Variants in IKZF4 observed in about 807,000 individuals in gnomAD.
The protein encoded by IKZF4 is IKAROS family zinc finger 4.
IKZF4 carries 11 observed loss-of-function variants against 47.7 expected under a neutral mutation model. The ratio of observed to expected loss-of-function variants is 0.23; its 90% CI spans 0.15 to 0.38. The LOEUF (loss-of-function observed/expected upper bound fraction) is 0.38. IKZF4 is among the 10% of genes least tolerant of loss of function. The probability of loss-of-function intolerance (pLI) is 1.00; values close to 1 mark genes in which losing one functional copy is unlikely to be tolerated. For synonymous variants in IKZF4, 298 were observed against 299.4 expected, an observed-to-expected ratio of 1.00 and a Z score of 0.05; for missense variants, 557 against 784.9, an observed-to-expected ratio of 0.71 and a Z score of 3.47.
At chr12:56,011,585 T>C (rs1891330866) in intron 2 of IKZF4, 1 of 152,212 alleles carries the variant, frequency 6.6e-6, no homozygotes. Context: ...ACCTGGGAAT[T>C]TATCCCCTCT....
intron 7 of IKZF4, among the ~76,000 whole-genome samples, chr12:56,033,558 T>C (rs2136712612): frequency 6.6e-6 from 1 of 151,954 alleles, no homozygotes; most frequent in Admixed American, 6.6e-5. Context: ...ATACAAAAAA[T>C]TAGCCGGGCG....
At chr12:56,023,023 TCTC>T in intron 1 of IKZF4, among the ~76,000 whole-genome samples, 1 of 152,238 alleles carries the variant, frequency 6.6e-6, no homozygotes, top group South Asian at 2.1e-4. Context: ...ATGGTCTCGA[TCTC>T]CTGACCTCGT....
intron 2 of IKZF4, chr12:56,024,801 A>G: frequency 7.5e-7 from 1 of 1,334,278 alleles, no homozygotes; most frequent in Middle Eastern, 3.0e-4. Flanking sequence ...GACGTCAGGC[A>G]GTGATGCTCT....
At chr12:56,031,303 AC>A (rs1296559813) in intron 5 of IKZF4, among the ~76,000 whole-genome samples, 2 of 152,196 alleles carry the variant, frequency 1.3e-5, no homozygotes, top group Non-Finnish European at 2.9e-5. Flanking sequence ...TATGCCAGTT[AC>A]CCCAACTTGA....
chr12:56,024,395 T>C (rs1195976632), intron 2 of IKZF4, among the ~76,000 whole-genome samples: 1 of 152,214 alleles, frequency 6.6e-6, no homozygotes, highest in Non-Finnish European at 1.5e-5. Flanking sequence ...ACGCTTACTG[T>C]CTATGATCCC....
intron 3 of IKZF4, among the ~76,000 whole-genome samples, chr12:56,025,975 G>A (rs1056408083): frequency 5.3e-5 from 8 of 151,930 alleles, no homozygotes; most frequent in Admixed American, 2.6e-4. Context: ...TTGCTCTGTC[G>A]CCCAGGCTGG....
In IKZF4 at chr12:56,036,616, A is replaced by G. The variant is rs2136736527; in HGVS notation, c.*1285A>G. 1 of 152,246 alleles carries G rather than the reference A, an allele frequency of 6.6e-6. No individual in the cohort carries two copies. The highest frequency in any genetic ancestry group is 1.9e-4 in the East Asian group (1 of 5,172). 9.4% of individuals were successfully genotyped at this position (152,246 alleles called of 1,614,324 possible). A position where few individuals can be genotyped will look rare whatever the true frequency, so the allele number is the denominator to read the frequency against. On this transcript the variant is annotated 3_prime_UTR_variant, in exon 8 of 8. Coordinates refer to ENST00000547167, the MANE Select transcript of IKZF4 (RefSeq NM_022465.4). ...AGCACGGGCACGTGCCCTTCACCCC[A>G]TTCCACCCTTGTTCCAGCAAGACTG...
upstream of IKZF4, among the ~76,000 whole-genome samples, chr12:56,016,619 G>C (rs570505841): frequency 6.7e-6 from 1 of 149,548 alleles, no homozygotes; most frequent in Non-Finnish European, 1.5e-5. Context: ...TTTAAGAGAC[G>C]GAGTTTCGCT....
Position 56,035,007 on chromosome 12 carries a change from A to T in IKZF4, c.1434A>T (p.Pro478=), listed in dbSNP as rs1232672596. The T allele has an allele frequency of 6.4e-7, 1 of 1,554,488 alleles. No homozygotes were observed. Among genetic ancestry groups the T allele is most frequent in the South Asian group, 1.2e-5 (1 of 81,324 alleles). The part of the protein sequence containing the change: ...AGVVSLPQGP[P]PQPPPTIVVG... ...TGGTATCCCTCCCTCAGGGTCCCCC[A>T]CCCCAGCCACCTCCCACCATTGTGG... Residue 478 remains proline, a synonymous_variant, in exon 8 of 8, where the codon CCA becomes CCT. Transcript: ENST00000547167. This position sits in a 1 kb window ranked among gnomAD's most constrained non-coding sequence, Gnocchi z 6.1.
rs570029063 is a variant in IKZF4, at chr12:56,034,623, G to A, written c.1050G>A (p.Ser350=). 28 of 1,613,926 alleles carry A rather than the reference G, an allele frequency of 1.7e-5. No individual in the cohort carries two copies. The Admixed American group carries it at 2.2e-4, about 12-fold the overall frequency. The stretch of plus-strand genomic sequence containing the variant: ...CAGACCTCCCCTATGATGTGAACTC[G>A]GGTGGCTATGAAAAGGATGTGGAGT... ...SLSDLPYDVN[S]GGYEKDVELV... is the part of the protein sequence containing the mutation. Residue 350 remains serine, a synonymous_variant, in exon 8 of 8, where the codon TCG becomes TCA. Transcript: ENST00000547167.
rs752014009 is a variant in IKZF4 at position 56,032,555 on chromosome 12, CCA to C, written c.716-3_716-2del. 6.2e-7 allele frequency: 1 copy of C among 1,609,700 alleles called. No homozygotes were observed. Among genetic ancestry groups the C allele is most frequent in the South Asian group, 1.1e-5 (1 of 90,504 alleles). On this transcript the variant is annotated splice_polypyrimidine_tract_variant and splice_region_variant and intron_variant, in intron 5 of 7. Transcript: ENST00000547167. ...TCTGATGCCATCTTTCCACTCTCCT[CCA>C]CAGTCTCCTCTCCCACAGTGGGCAA...
rs1240911888 is a variant in IKZF4 at position 56,014,166 on chromosome 12, A to AG, written c.-214+2672_-214+2673insG. Among the ~76,000 whole-genome samples, 363 of 152,096 alleles carry AG rather than the reference A, an allele frequency of 2.4e-3. 3 individuals carry two copies. The highest frequency in any genetic ancestry group is 8.6e-3 in the African/African-American group (357 of 41,486). ...TCGAGACTCCGTCTCAAAAAAAAAA[A>AG]AAAAAGAAAAGAAAAGAAACAAACA... On this transcript the variant is annotated intron_variant, in intron 2 of 11. Transcript: ENST00000262032.
chr12:56,036,757 T>A lies in IKZF4; in HGVS notation c.*1426T>A, dbSNP rs1456989269. On this transcript the variant is annotated 3_prime_UTR_variant, in exon 8 of 8. Coordinates refer to ENST00000547167, the MANE Select transcript of IKZF4 (RefSeq NM_022465.4). The stretch of plus-strand genomic sequence containing the variant: ...CTGCAGAGACCCTTGGCTATTTGAG[T>A]AACCTAGGATTAGTGAGAAGGGGCA... The A allele has an allele frequency of 6.6e-6, 1 of 152,064 alleles. No individual in the cohort carries two copies. Among genetic ancestry groups the A allele is most frequent in the African/African-American group, 2.4e-5 (1 of 41,356 alleles). The allele number at this position is 152,064 out of a possible 1,614,324, so 9.4% of individuals were successfully genotyped here. A position where few individuals can be genotyped will look rare whatever the true frequency, so the allele number is the denominator to read the frequency against.
intron 2 of IKZF4, among the ~76,000 whole-genome samples, chr12:56,012,361 G>A (rs1891436619): frequency 1.4e-5 from 2 of 144,806 alleles, no homozygotes; most frequent in South Asian, 2.2e-4. Flanking sequence ...TGCAACCTCC[G>A]CCTCCTGGGT....
rs2136622941 is a variant in IKZF4, at chr12:56,021,503, C to T, written c.10C>T (p.Pro4Ser). ...CCACTGAGACGCAGACATGCATACA[C>T]CACCCGCACTCCCTCGCCGTTTCCA... Reference protein sequence around the residue: MHTPPALPRRFQGG... With the variant: MHTSPALPRRFQGG... Residue 4 changes from proline to serine, a missense_variant, in exon 1 of 8, where the codon CCA (proline) becomes TCA (serine). Coordinates refer to ENST00000547167, the MANE Select transcript of IKZF4 (RefSeq NM_022465.4). 6.2e-7 allele frequency: 1 copy of T among 1,603,798 alleles called. No individual in the cohort carries two copies. Among genetic ancestry groups the T allele is most frequent in the South Asian group, 1.1e-5 (1 of 89,084 alleles).
chr12:56,012,272 CTTT>C (rs1227746530), intron 2 of IKZF4, among the ~76,000 whole-genome samples: 4 of 134,876 alleles, frequency 3.0e-5, no homozygotes, highest in Admixed American at 7.5e-5. Flanking sequence ...TGTTAAATGA[CTTT>C]TTTTTTTTTT....
At chr12:56,020,762 G>A (rs1039987187), upstream of IKZF4, 1 of 178,542 alleles carries the variant, frequency 5.6e-6, no homozygotes, top group East Asian at 1.9e-4. Context: ...AGCAACACTA[G>A]CCTGACACCA....
rs1894095946 is a variant in IKZF4 at position 56,026,784 on chromosome 12, A to G, written c.290A>G (p.Asn97Ser). 6 of 1,564,760 alleles carry G rather than the reference A, an allele frequency of 3.8e-6. No homozygotes were observed. The highest frequency in any genetic ancestry group is 1.4e-5 in the African/African-American group (1 of 73,306). Residue 97 changes from asparagine to serine, a missense_variant, in exon 4 of 8, where the codon AAC becomes AGC. Asn to Ser is a conservative substitution (Grantham distance 46). Coordinates refer to ENST00000547167, the MANE Select transcript of IKZF4 (RefSeq NM_022465.4). ...TAAACACCATCCCACCCCTCAGCCAACTCCATCAAGGTGGAGATGTACAGC... is the reference window on the plus strand; with the variant it reads ...TAAACACCATCCCACCCCTCAGCCAGCTCCATCAAGGTGGAGATGTACAGC... ...HSSPSRSLSANSIKVEMYSDE... is the reference protein window; with the variant it reads ...HSSPSRSLSASSIKVEMYSDE...
At chr12:56,031,562 C>T (rs965538985) in intron 5 of IKZF4, among the ~76,000 whole-genome samples, 2 of 152,134 alleles carry the variant, frequency 1.3e-5, no homozygotes, top group African/African-American at 4.8e-5. Context: ...TTAGTCAAGG[C>T]CCAGCTTTGG....
Sources: gnomAD v4.1 joint callset for allele counts (sites outside exome capture counted in the v4.1 genomes callset) on GRCh38, gnomAD v4.1.1 for gene constraint, Gnocchi (gnomAD v3.1) non-coding constraint, MANE v1.5 for transcripts, NCBI Gene and HGNC (gene_info 2026-07-23, HGNC 2026-07-21) for gene names.